CADM2: variants seen among roughly 807,000 people sequenced by gnomAD.
The protein encoded by CADM2 is cell adhesion molecule 2.
Under a neutral mutation model 49.8 loss-of-function variants are expected in CADM2, and 12 were observed. The observed-to-expected ratio is 0.24, with a 90% CI of 0.15 to 0.39. The LOEUF is 0.39. CADM2 is among the 10% of genes least tolerant of loss of function. The pLI is 1.00. For missense variants in CADM2, 378 were observed against 492.3 expected (o/e 0.77, Z 2.20); for synonymous variants, 214 against 175.4 (o/e 1.22, Z -1.74).
At chr3:85,226,886 G>T (rs572816155) in intron 1 of CADM2, among the ~76,000 whole-genome samples, 2 of 151,886 alleles carry the variant, frequency 1.3e-5, no homozygotes, top group Non-Finnish European at 2.9e-5. Flanking sequence ...CATTATTTAC[G>T]CAGTAGTCAT....
At chr3:85,659,506 C>T (rs564624672) in intron 1 of CADM2, among the ~76,000 whole-genome samples, 14 of 152,056 alleles carry the variant, frequency 9.2e-5, no homozygotes, top group African/African-American at 3.4e-4. Context: ...TATACACGCT[C>T]AGAGAAGTAA....
intron 1 of CADM2, among the ~76,000 whole-genome samples, chr3:85,646,571 A>T (rs2064893363): frequency 6.6e-6 from 1 of 151,954 alleles, no homozygotes; most frequent in African/African-American, 2.4e-5. Flanking sequence ...GTTTCTCACT[A>T]AGTATATTTG....
intron 1 of CADM2, among the ~76,000 whole-genome samples, chr3:85,645,067 G>T (rs931759948): frequency 2.6e-5 from 4 of 151,944 alleles, no homozygotes; most frequent in South Asian, 2.1e-4. Context: ...TTAAAATTTT[G>T]ATTATAAGCC....
intron 1 of CADM2, among the ~76,000 whole-genome samples, chr3:85,036,098 A>G (rs575758373): frequency 6.6e-6 from 1 of 152,254 alleles, no homozygotes; most frequent in African/African-American, 2.4e-5. Context: ...GACATATAAG[A>G]ATGTTAGGTT....
chr3:85,799,349 A>G (rs751478358), intron 2 of CADM2, among the ~76,000 whole-genome samples: 1 of 152,130 alleles, frequency 6.6e-6, no homozygotes, highest in Non-Finnish European at 1.5e-5. Flanking sequence ...GTCTTGTGCC[A>G]GTTTTCAAAG....
At chr3:85,986,108 C>T (rs1728076279) in intron 8 of CADM2, among the ~76,000 whole-genome samples, 1 of 152,006 alleles carries the variant, frequency 6.6e-6, no homozygotes, top group Non-Finnish European at 1.5e-5. Flanking sequence ...ATGTTCTATC[C>T]TGCCCTTCTA....
intron 1 of CADM2, among the ~76,000 whole-genome samples, chr3:85,387,633 G>A (rs1169775405): frequency 1.3e-5 from 2 of 151,806 alleles, no homozygotes; most frequent in African/African-American, 2.4e-5. Context: ...ATTTTAATGC[G>A]GTTTTATATA....
chr3:86,060,719 C>G (rs76310598), intron 8 of CADM2, among the ~76,000 whole-genome samples: 2,199 of 152,188 alleles, frequency 0.014, 49 homozygotes, highest in African/African-American at 0.05. Context: ...TGCGGTGACT[C>G]ACGCCTGTAA....
intron 3 of CADM2, among the ~76,000 whole-genome samples, chr3:85,843,059 A>C (rs1278245479): frequency 6.6e-6 from 1 of 152,108 alleles, no homozygotes; most frequent in Non-Finnish European, 1.5e-5. Flanking sequence ...GAAAAAGGAA[A>C]CCGTATAACC....
chr3:85,081,344 T>A (rs1464564894), intron 1 of CADM2, among the ~76,000 whole-genome samples: 3 of 152,156 alleles, frequency 2.0e-5, no homozygotes, highest in African/African-American at 7.2e-5. Flanking sequence ...ATGAGTTACC[T>A]CATGTAAAAC....
chr3:84,976,600 A>G (rs564161140), intron 1 of CADM2, among the ~76,000 whole-genome samples: 122 of 152,002 alleles, frequency 8.0e-4, no homozygotes, highest in African/African-American at 2.8e-3. Context: ...GTTAGACACT[A>G]AACACATCTC....
intron 1 of CADM2, among the ~76,000 whole-genome samples, chr3:85,398,154 C>G (rs2034890357): frequency 6.6e-6 from 1 of 152,074 alleles, no homozygotes; most frequent in Non-Finnish European, 1.5e-5. Flanking sequence ...TTTCCCTCCC[C>G]CCTTCCCCCA....
intron 1 of CADM2, among the ~76,000 whole-genome samples, chr3:85,689,668 T>C (rs1048698884): frequency 7.9e-5 from 12 of 152,178 alleles, no homozygotes; most frequent in African/African-American, 2.9e-4. Flanking sequence ...TGTTCAGAGC[T>C]GTTCTTTAGG....
intron 1 of CADM2, among the ~76,000 whole-genome samples, chr3:85,239,330 T>C (rs2042478140): frequency 6.6e-6 from 1 of 151,714 alleles, no homozygotes; most frequent in Non-Finnish European, 1.5e-5. Flanking sequence ...AAAACATAAA[T>C]GAAGATATAA....
At chr3:85,184,228 A>G (rs2167605) in intron 1 of CADM2, among the ~76,000 whole-genome samples, 1 of 152,040 alleles carries the variant, frequency 6.6e-6, no homozygotes, top group African/African-American at 2.4e-5. Flanking sequence ...GATACAACAG[A>G]TTCAGTAGAT....
intron 1 of CADM2, among the ~76,000 whole-genome samples, chr3:85,388,272 A>G (rs1182943467): frequency 6.6e-6 from 1 of 152,158 alleles, no homozygotes; most frequent in Non-Finnish European, 1.5e-5. Context: ...CTGTTTGTTG[A>G]TGATGGAGGA....
At chr3:85,403,892 A>T (rs992375437) in intron 1 of CADM2, among the ~76,000 whole-genome samples, 2 of 152,102 alleles carry the variant, frequency 1.3e-5, no homozygotes, top group African/African-American at 2.4e-5. Context: ...GAAAATCAGA[A>T]GTATTGTACT....
At chr3:84,959,742 C>A (rs2030266817) in intron 1 of CADM2, 74 bp downstream of exon 1, 1 of 1,335,934 alleles carries the variant, frequency 7.5e-7, no homozygotes, top group Non-Finnish European at 1.0e-6. Context: ...CCCCATATTT[C>A]CACTCTCCCC....
At chr3:85,710,346 C>A (rs2067079778) in intron 1 of CADM2, among the ~76,000 whole-genome samples, 1 of 152,016 alleles carries the variant, frequency 6.6e-6, no homozygotes, top group Non-Finnish European at 1.5e-5. Flanking sequence ...CACTTATGTT[C>A]TATTTAAATT....
Sources: gnomAD v4.1 joint callset for allele counts (sites outside exome capture counted in the v4.1 genomes callset) on GRCh38, gnomAD v4.1.1 for gene constraint, MANE v1.5 for transcripts, NCBI Gene and HGNC (gene_info 2026-07-23, HGNC 2026-07-21) for gene names.